The following TMEM209 variants were observed in gnomAD, a reference collection of about 807,000 sequenced individuals.
TMEM209 encodes transmembrane protein 209, also known as testicular tissue protein Li 202.
A neutral mutation model predicts 76.2 loss-of-function variants in TMEM209; 65 were observed. That is an observed-to-expected ratio of 0.85 (90% CI 0.70 to 1.05). The LOEUF is 1.05. Among genes scored for constraint, TMEM209 ranks in the 50% least tolerant of loss-of-function variants. TMEM209 has a pLI of 0.00. For synonymous variants in TMEM209, 239 were observed against 237.6 expected (o/e 1.01, Z -0.06); for missense variants, 623 against 685.5 (o/e 0.91, Z 1.02).
chr7:130,185,502 A>AT, intron 6 of TMEM209, 135 bp from the exon 7 acceptor site: 1 of 742,654 alleles, frequency 1.3e-6, no homozygotes, highest in Non-Finnish European at 2.2e-6. Context: ...CCCCAACATA[A>AT]TTTTCTCTTT....
chr7:130,204,047 T>C lies in TMEM209; in HGVS notation c.67A>G (p.Thr23Ala), dbSNP rs764839470. ...GCTAAGACCACTTTCCTAGCCTCTGTTTCTTTTCTCATCTTGATGGTTCTG... is the reference window on the plus strand; with the variant it reads ...GCTAAGACCACTTTCCTAGCCTCTGCTTCTTTTCTCATCTTGATGGTTCTG... ...IDRTIKMRKE[T>A]EARKVVLAWG... The change falls in exon 2 of 15, where the codon ACA becomes GCA. Residue 23 changes from threonine (T) to alanine (A), a missense_variant. Transcript: ENST00000397622. The C allele has an allele frequency of 2.0e-5, 33 of 1,613,344 alleles. No individual in the cohort carries two copies. Among genetic ancestry groups the C allele is most frequent in the Non-Finnish European group, 3.4e-6 (4 of 1,179,682 alleles).
Position 130,201,891 on chromosome 7 carries a change from T to C in TMEM209, c.532A>G (p.Ser178Gly), listed in dbSNP as rs1469742802. ...ACGGGCGAGTAGGTCACTCCAGGGCTATAAGAACCACTGCCACCTGAGGAC... is the reference window on the plus strand; with the variant it reads ...ACGGGCGAGTAGGTCACTCCAGGGCCATAAGAACCACTGCCACCTGAGGAC... The part of the protein sequence containing the change: ...GLSSGGSGSY[S>G]PGVTYSPVSG... The change falls in exon 5 of 15, where the codon AGC (serine) becomes GGC (glycine). Residue 178 changes from serine to glycine, a missense_variant. Physicochemically the swap from Ser to Gly is moderately conservative, Grantham distance 56 (BLOSUM62 0). Transcript: ENST00000397622. 1.2e-6 allele frequency: 2 copies of C among 1,613,806 alleles called. No homozygotes were observed. The highest frequency in any genetic ancestry group is 1.3e-5 in the African/African-American group (1 of 74,894).
intron 14 of TMEM209, among the ~76,000 whole-genome samples, chr7:130,168,053 T>A (rs1024588361): frequency 6.6e-6 from 1 of 152,176 alleles, no homozygotes; most frequent in Non-Finnish European, 1.5e-5. Context: ...GTAAATTTCA[T>A]TACATTTCAG....
intron 5 of TMEM209, among the ~76,000 whole-genome samples, chr7:130,197,730 T>A (rs1310787509): frequency 1.3e-5 from 2 of 152,238 alleles, no homozygotes; most frequent in African/African-American, 4.8e-5. Context: ...CCATAAAATG[T>A]AAAAATATTC....
At chr7:130,187,662 A>G (rs893337437) in intron 6 of TMEM209, among the ~76,000 whole-genome samples, 3 of 152,008 alleles carry the variant, frequency 2.0e-5, no homozygotes, top group African/African-American at 4.8e-5. Context: ...AAAAAAAAAA[A>G]AAAAGAAAAA....
Position 130,175,591 on chromosome 7 carries a change from C to G in TMEM209, c.1265G>C (p.Cys422Ser), listed in dbSNP as rs376741645. 1 of 1,612,604 alleles carries G rather than the reference C, an allele frequency of 6.2e-7. No homozygotes were observed. The highest frequency in any genetic ancestry group is 1.7e-5 in the Admixed American group (1 of 59,918). Reference protein sequence around the residue: ...ERIKELSQGGCMSSFRWNRGG... With the variant: ...ERIKELSQGGSMSSFRWNRGG... ...TCTGTTCCATCGAAATGAGCTCATA[C>G]AACCTCCCTGAGATAGTTCTGTGGC... is the stretch of plus-strand genomic sequence containing the variant. The change falls in exon 11 of 15, where the codon TGT becomes TCT. Residue 422 changes from cysteine (C) to serine (S), a missense_variant. Physicochemically the swap from Cys to Ser is moderately radical, Grantham distance 112 (BLOSUM62 -1). Coordinates refer to ENST00000397622, the MANE Select transcript of TMEM209 (RefSeq NM_032842.4).
At chr7:130,188,581 G>A (rs1419311294) in intron 6 of TMEM209, among the ~76,000 whole-genome samples, 18 of 130,600 alleles carry the variant, frequency 1.4e-4, no homozygotes, top group African/African-American at 4.7e-4. Flanking sequence ...GGGTGACAGA[G>A]TGAGACTCCG....
At chr7:130,178,561 T>C in intron 9 of TMEM209, 34 bp from the exon 10 acceptor site, 1 of 1,608,926 alleles carries the variant, frequency 6.2e-7, no homozygotes, top group Non-Finnish European at 8.5e-7. Flanking sequence ...CACTGATTAT[T>C]CTAAAAGTGA....
At chr7:130,186,679 G>GA (rs980380384) in intron 6 of TMEM209, among the ~76,000 whole-genome samples, 6 of 152,004 alleles carry the variant, frequency 3.9e-5, no homozygotes, top group African/African-American at 1.4e-4. Flanking sequence ...ACAATGAATA[G>GA]AAATAGGAAG....
At chr7:130,192,482 AAAT>A in intron 6 of TMEM209, 137 bp downstream of exon 6, 2 of 717,898 alleles carry the variant, frequency 2.8e-6, no homozygotes, top group Non-Finnish European at 2.2e-6. Flanking sequence ...TAACTGCATA[AAAT>A]AATGTTACAT....
chr7:130,192,532 TGTTA>T, intron 6 of TMEM209, 86 bp downstream of exon 6: 1 of 1,084,356 alleles, frequency 9.2e-7, no homozygotes, highest in African/African-American at 1.6e-5. Context: ...TAATAAAGTA[TGTTA>T]GTATGGATAT....
At chr7:130,189,960 A>T (rs1267691238) in intron 6 of TMEM209, among the ~76,000 whole-genome samples, 2 of 152,110 alleles carry the variant, frequency 1.3e-5, no homozygotes, top group Non-Finnish European at 2.9e-5. Context: ...GAAAACACAA[A>T]ATGAGCCTGA....
chr7:130,205,266 A>G (rs987920604), intron 1 of TMEM209, 107 bp downstream of exon 1: 1 of 1,610,930 alleles, frequency 6.2e-7, no homozygotes, highest in African/African-American at 1.3e-5. Context: ...CGGAACGCCT[A>G]GCCACATCCC....
intron 14 of TMEM209, among the ~76,000 whole-genome samples, chr7:130,169,523 T>C (rs1258170186): frequency 6.6e-6 from 1 of 152,228 alleles, no homozygotes; most frequent in Non-Finnish European, 1.5e-5. Flanking sequence ...CTTTGAAATC[T>C]GTTACACGTT....
intron 9 of TMEM209, among the ~76,000 whole-genome samples, chr7:130,179,098 T>A (rs1026460472): frequency 2.0e-5 from 3 of 152,138 alleles, no homozygotes; most frequent in Non-Finnish European, 4.4e-5. Context: ...CAAAGTACTT[T>A]ATCTTTTTTA....
Position 130,165,390 on chromosome 7 carries a change from T to G in TMEM209, c.*1061A>C, listed in dbSNP as rs555875443. On this transcript the variant is annotated 3_prime_UTR_variant, in exon 15 of 15. Coordinates refer to ENST00000397622, the MANE Select transcript of TMEM209 (RefSeq NM_032842.4). Reference sequence around the variant, plus strand: ...GATATTTTGAACATATTTAAAAAATTTGAAGATAGGATATCACTGTGATCT... The same window carrying G: ...GATATTTTGAACATATTTAAAAAATGTGAAGATAGGATATCACTGTGATCT... 1 of 152,250 alleles carries G rather than the reference T, an allele frequency of 6.6e-6. No individual in the cohort carries two copies. Among genetic ancestry groups the G allele is most frequent in the East Asian group, 1.9e-4 (1 of 5,180 alleles). The allele number at this position is 152,250 out of a possible 1,614,324, so 9.4% of individuals were successfully genotyped here.
At chr7:130,184,065 C>T in intron 8 of TMEM209, 119 bp downstream of exon 8, 1 of 633,036 alleles carries the variant, frequency 1.6e-6, no homozygotes, top group Non-Finnish European at 2.6e-6. Flanking sequence ...ATGTACCATT[C>T]ATACTGTACC....
intron 5 of TMEM209, among the ~76,000 whole-genome samples, chr7:130,194,166 T>C (rs1797892187): frequency 6.8e-6 from 1 of 147,896 alleles, no homozygotes; most frequent in South Asian, 2.1e-4. Context: ...ACCACCGCAC[T>C]CCAGCCTGGG....
chr7:130,182,668 G>A (rs773338216), intron 8 of TMEM209, among the ~76,000 whole-genome samples: 11 of 152,116 alleles, frequency 7.2e-5, no homozygotes, highest in Non-Finnish European at 1.6e-4. Flanking sequence ...TTATTATTTT[G>A]TGTATGTGTT....
Sources: allele counts gnomAD v4.1 joint callset (sites outside exome capture counted in the v4.1 genomes callset), GRCh38; gene constraint gnomAD v4.1.1; transcripts MANE v1.5; gene names NCBI Gene and HGNC (gene_info 2026-07-23, HGNC 2026-07-21).